Variants in JMJD1C observed in about 807,000 individuals in gnomAD.
The protein encoded by JMJD1C is jumonji domain-containing protein 1C.
In JMJD1C, 31 loss-of-function variants were observed where a neutral mutation model predicts 245.3. That is an observed-to-expected ratio of 0.13 (90% CI 0.09 to 0.17). JMJD1C has a LOEUF of 0.17. Ranked by LOEUF, JMJD1C falls within the 10% of genes least tolerant of loss-of-function variation. JMJD1C has a pLI of 1.00. For synonymous variants in JMJD1C, 1,057 were observed against 1,017.4 expected, an observed-to-expected ratio of 1.04 and a Z score of -0.74; for missense variants, 2,691 against 3,000.2, an observed-to-expected ratio of 0.90 and a Z score of 2.41.
intron 2 of JMJD1C, among the ~76,000 whole-genome samples, chr10:63,342,882 A>C (rs1318110227): frequency 1.3e-5 from 2 of 152,234 alleles, no homozygotes; most frequent in Non-Finnish European, 2.9e-5. Context: ...TATTATTTAA[A>C]ATTACCTTCA....
rs371113186 is a variant in JMJD1C at position 63,208,687 on chromosome 10, C to T, written c.2982G>A (p.Arg994=). The T allele has an allele frequency of 1.2e-4, 193 of 1,613,920 alleles. No homozygotes were observed. The highest frequency in any genetic ancestry group is 2.5e-5 in the Non-Finnish European group (29 of 1,179,962). The change falls in exon 10 of 26, where the codon AGG becomes AGA. Residue 994 remains arginine (R), a synonymous_variant. Transcript: ENST00000399262. ...GATTTAATACTGGATCCACAAAATGCCTATGTAAGTGACAATCTTTTCCAG... is the reference window on the plus strand; with the variant it reads ...GATTTAATACTGGATCCACAAAATGTCTATGTAAGTGACAATCTTTTCCAG... ...SQTGKDCHLH[R]HFVDPVLNQL... is the part of the protein sequence containing the mutation.
upstream of JMJD1C, among the ~76,000 whole-genome samples, chr10:63,467,408 G>C (rs1371313299): frequency 6.6e-6 from 1 of 152,100 alleles, no homozygotes; most frequent in Admixed American, 6.5e-5. Context: ...CTACTCAGGA[G>C]GCAGCAGGAG....
At chr10:63,397,038 A>AT (rs1292347267) in intron 1 of JMJD1C, among the ~76,000 whole-genome samples, 4 of 142,754 alleles carry the variant, frequency 2.8e-5, no homozygotes, top group Admixed American at 2.8e-4. Flanking sequence ...ACATGTATAT[A>AT]TTTTTTCAGT....
At position 63,208,785 on chromosome 10, in the gene JMJD1C, C is replaced by T. The variant is rs905359429; in HGVS notation, c.2884G>A (p.Ala962Thr). ...ACAGACCGTAATGGTTCCATAAAAG[C>T]TTTTCTTTCTAATTCTCTGTAAAGA... ...DHHKEELERK[A>T]FMEPLRSVAS... The change falls in exon 10 of 26, where the codon GCT becomes ACT. Residue 962 changes from alanine (A) to threonine (T), a missense_variant. By Grantham distance (58) the Ala-to-Thr change is moderately conservative. Transcript: ENST00000399262. 9 of 1,578,478 alleles carry T rather than the reference C, an allele frequency of 5.7e-6. No individual in the cohort carries two copies. In the African/African-American group the frequency reaches 1.2e-4, roughly 22 times the overall value.
At chr10:63,490,245 C>T (rs187581818) in intron 1 of JMJD1C, among the ~76,000 whole-genome samples, 2 of 152,246 alleles carry the variant, frequency 1.3e-5, no homozygotes, top group Admixed American at 6.5e-5. Flanking sequence ...CTTTCCCAGA[C>T]TCTTGACCTA....
chr10:63,292,032 T>G (rs1222785177), intron 2 of JMJD1C, among the ~76,000 whole-genome samples: 1 of 151,818 alleles, frequency 6.6e-6, no homozygotes, highest in Non-Finnish European at 1.5e-5. Context: ...CTCACTACAT[T>G]ATCAGCCTCT....
At chr10:63,226,837 C>G (rs1226353614) in intron 3 of JMJD1C, among the ~76,000 whole-genome samples, 1 of 151,666 alleles carries the variant, frequency 6.6e-6, no homozygotes, top group Non-Finnish European at 1.5e-5. Context: ...GTGGGTGGAT[C>G]ACCTGAGGTC....
chr10:63,480,316 T>C (rs1005914311), intron 1 of JMJD1C, among the ~76,000 whole-genome samples: 1 of 115,016 alleles, frequency 8.7e-6, no homozygotes. Context: ...GCCTAAACTA[T>C]AGTTTGATTT....
chr10:63,273,271 A>G (rs1856499569), intron 2 of JMJD1C, among the ~76,000 whole-genome samples: 1 of 152,222 alleles, frequency 6.6e-6, no homozygotes, highest in South Asian at 2.1e-4. Flanking sequence ...AGCTCACTGC[A>G]GCCTCAAACT....
chr10:63,169,200 C>G (rs1402192878), intron 24 of JMJD1C, among the ~76,000 whole-genome samples: 1 of 152,080 alleles, frequency 6.6e-6, no homozygotes, highest in African/African-American at 2.4e-5. Context: ...AGTTTTTCAA[C>G]AGTTTTCTCT....
At position 63,461,891 on chromosome 10, in the gene JMJD1C, GAGAGT is replaced by G. The variant is rs1278877177; in HGVS notation, c.168+3599_168+3603del. ...AAATGGAAGCGAAGTTAAACAAGAG[GAGAGT>G]AAATTGATGTCTGCTATTTAATTAA... On this transcript the variant is annotated intron_variant, in intron 1 of 25. Transcript: ENST00000399262. Among the ~76,000 whole-genome samples, 7 of 152,224 alleles carry G rather than the reference GAGAGT, an allele frequency of 4.6e-5. No homozygotes were observed. In the South Asian group the frequency reaches 1.5e-3, roughly 32 times the overall value.
chr10:63,257,281 C>CTG (rs2133701614), intron 3 of JMJD1C, among the ~76,000 whole-genome samples: 1 of 151,264 alleles, frequency 6.6e-6, no homozygotes, highest in East Asian at 1.9e-4. Flanking sequence ...ATAGAAAGTG[C>CTG]TGAGTAAGTA....
chr10:63,462,628 A>G (rs567505426), intron 1 of JMJD1C, among the ~76,000 whole-genome samples: 2 of 152,260 alleles, frequency 1.3e-5, no homozygotes, highest in South Asian at 2.1e-4. Context: ...GGAGAGTTAG[A>G]AGGAGATGAC....
intron 3 of JMJD1C, among the ~76,000 whole-genome samples, chr10:63,232,138 T>C (rs1201109035): frequency 6.6e-6 from 1 of 152,098 alleles, no homozygotes; most frequent in Non-Finnish European, 1.5e-5. Context: ...GCACCCGGTC[T>C]CCTTTACCCT....
intron 1 of JMJD1C, among the ~76,000 whole-genome samples, chr10:63,520,716 G>A (rs1046926997): frequency 2.0e-5 from 3 of 152,120 alleles, no homozygotes; most frequent in Admixed American, 2.0e-4. Flanking sequence ...GGAGATTCGT[G>A]TCTGTAAACA....
chr10:63,507,366 G>A (rs994210136), intron 1 of JMJD1C, among the ~76,000 whole-genome samples: 3 of 152,010 alleles, frequency 2.0e-5, no homozygotes, highest in Admixed American at 1.3e-4. Context: ...TGTGCCAGCC[G>A]GGTACGATGG....
intron 1 of JMJD1C, among the ~76,000 whole-genome samples, chr10:63,451,862 G>A (rs748018365): frequency 1.1e-4 from 16 of 152,168 alleles, no homozygotes; most frequent in Non-Finnish European, 1.0e-4. Flanking sequence ...TTCAATAAAT[G>A]GAGCTGAGAA....
intron 1 of JMJD1C, among the ~76,000 whole-genome samples, chr10:63,440,386 A>AGC (rs1359558599): frequency 1.1e-4 from 17 of 150,428 alleles, no homozygotes; most frequent in African/African-American, 1.7e-4. Context: ...AGAGAGAGAG[A>AGC]GAGCGCAAGC....
At position 63,214,521 on chromosome 10, in the gene JMJD1C, G is replaced by C. The variant is rs1325270296; in HGVS notation, c.1646C>G (p.Ala549Gly). 1 of 1,613,868 alleles carries C rather than the reference G, an allele frequency of 6.2e-7. No individual in the cohort carries two copies. The highest frequency in any genetic ancestry group is 8.5e-7 in the Non-Finnish European group (1 of 1,179,972). ...PNVSDSKHSI[A>G]NAKFLETAKK... ...TGCTGTTTCCAAGAATTTTGCATTT[G>C]CAATAGAGTGTTTTGAATCACTAAC... Residue 549 changes from alanine to glycine, a missense_variant, in exon 8 of 26, where the codon GCA becomes GGA. Physicochemically the swap from Ala to Gly is moderately conservative, Grantham distance 60. This residue lies in a region of JMJD1C where 1,562 missense variants were observed against 1,490.7 expected (regional missense o/e 1.05). Transcript: ENST00000399262.
Sources: allele counts gnomAD v4.1 joint callset (sites outside exome capture counted in the v4.1 genomes callset), GRCh38; gene constraint gnomAD v4.1.1; regional missense constraint gnomAD v4.1.1; transcripts MANE v1.5; gene names NCBI Gene and HGNC (gene_info 2026-07-23, HGNC 2026-07-21).